The following RAD51B variants were observed in gnomAD, a reference collection of about 807,000 sequenced individuals.
RAD51B encodes the protein DNA repair protein RAD51 homolog 2.
A neutral mutation model predicts 42.2 loss-of-function variants in RAD51B; 38 were observed. That is an observed-to-expected ratio of 0.90 (90% CI 0.70 to 1.18). The LOEUF (loss-of-function observed/expected upper bound fraction) is 1.18, where lower values mean the gene tolerates loss of function less well. RAD51B is among the 50% of genes most tolerant of loss of function. The pLI is 0.00. For missense variants in RAD51B, 373 were observed against 400.7 expected (o/e 0.93, Z 0.59); for synonymous variants, 154 against 145.2 (o/e 1.06, Z -0.43).
At chr14:68,469,262 C>A (rs2086062612) in intron 10 of RAD51B, among the ~76,000 whole-genome samples, 1 of 152,228 alleles carries the variant, frequency 6.6e-6, no homozygotes, top group South Asian at 2.1e-4. Context: ...CCCATGGAGA[C>A]ACAATGCAGT....
chr14:68,593,732 G>A (rs757734538), intron 10 of RAD51B, among the ~76,000 whole-genome samples: 5 of 152,170 alleles, frequency 3.3e-5, no homozygotes, highest in South Asian at 2.1e-4. Flanking sequence ...GGCTCCCACT[G>A]TCTGTGCAGC....
chr14:68,575,295 T>G (rs140878700), intron 10 of RAD51B, among the ~76,000 whole-genome samples: 319 of 152,328 alleles, frequency 2.1e-3, no homozygotes, highest in African/African-American at 7.0e-3. Context: ...CAAGTTCTCA[T>G]AGCTTCTAAA....
rs149027036 is a variant in RAD51B, at chr14:67,840,967, A to G, written c.315+5771A>G. ...CAGGTGTGTGCTACCATGCCCAGCT[A>G]ATTTTATTTTTTAGTAGAGATGGGG... On this transcript the variant is annotated intron_variant, in intron 4 of 10. Transcript: ENST00000471583. 6.8e-3 allele frequency among the ~76,000 whole-genome samples: 1,036 copies of G among 152,064 alleles called. 7 individuals carry two copies. Among genetic ancestry groups the G allele is most frequent in the Non-Finnish European group, 7.9e-3 (535 of 67,978 alleles).
At chr14:68,516,197 A>G (rs897486646) in intron 10 of RAD51B, among the ~76,000 whole-genome samples, 2 of 152,242 alleles carry the variant, frequency 1.3e-5, no homozygotes, top group Non-Finnish European at 2.9e-5. Flanking sequence ...ATAATTTACC[A>G]TATTAAAAAC....
chr14:68,436,129 C>T (rs1188682710), intron 9 of RAD51B, among the ~76,000 whole-genome samples: 6 of 152,100 alleles, frequency 3.9e-5, no homozygotes, highest in African/African-American at 1.4e-4. Context: ...CCTAGATTTT[C>T]TTCTAGGATT....
At position 68,352,225 on chromosome 14, in the gene RAD51B, G is replaced by A. The variant is rs140052689; in HGVS notation, c.854-59199G>A. On this transcript the variant is annotated intron_variant, in intron 8 of 10. Coordinates refer to ENST00000471583, the MANE Select transcript of RAD51B (RefSeq NM_133510.4). ...TTAATGAATAGATGGTATTGGGTGA[G>A]GAAAGAGCACAGAGTAACGAGGGCT... Among the ~76,000 whole-genome samples the A allele has an allele frequency of 4.6e-5, 7 of 152,314 alleles. No individual in the cohort carries two copies. The East Asian group carries it at 1.3e-3, about 29-fold the overall frequency.
chr14:67,850,098 C>T (rs1348307010), intron 4 of RAD51B, among the ~76,000 whole-genome samples: 1 of 151,930 alleles, frequency 6.6e-6, no homozygotes, highest in Non-Finnish European at 1.5e-5. Context: ...CAGGCTGAAG[C>T]AATCCTCCCA....
intron 7 of RAD51B, among the ~76,000 whole-genome samples, chr14:67,933,118 T>C (rs1440303482): frequency 6.6e-6 from 1 of 152,214 alleles, no homozygotes; most frequent in Admixed American, 6.5e-5. Flanking sequence ...GGAGGAGATC[T>C]TTCCACTTGT....
intron 7 of RAD51B, among the ~76,000 whole-genome samples, chr14:67,888,161 A>G (rs774133816): frequency 9.9e-5 from 15 of 152,186 alleles, no homozygotes; most frequent in Non-Finnish European, 2.2e-4. Flanking sequence ...ATGACATTCA[A>G]AAAGTTCTGC....
intron 9 of RAD51B, among the ~76,000 whole-genome samples, chr14:68,457,951 C>A (rs563012090): frequency 2.8e-5 from 4 of 141,784 alleles, no homozygotes; most frequent in South Asian, 2.3e-4. Context: ...ATGTAAAGTT[C>A]ACTGAAAAAA....
rs1321375401 is a variant in RAD51B, at chr14:68,087,966, AT to A, written c.756+200764del. ...ATTATTATATATAATTATATAATTT[AT>A]TATTATATATAATTATATAATATAT... On this transcript the variant is annotated intron_variant, in intron 7 of 10. Coordinates refer to ENST00000471583, the MANE Select transcript of RAD51B (RefSeq NM_133510.4). 4.6e-3 allele frequency among the ~76,000 whole-genome samples: 521 copies of A among 113,868 alleles called. 8 individuals are homozygous for A. Among genetic ancestry groups the A allele is most frequent in the African/African-American group, 0.022 (498 of 22,822 alleles). 74.7% of individuals were successfully genotyped at this position (113,868 alleles called of 152,430 possible).
rs369496414 is a variant in RAD51B at position 68,202,802 on chromosome 14, G to A, written c.757-89082G>A. On this transcript the variant is annotated intron_variant, in intron 7 of 10. Transcript: ENST00000471583. ...TCTCCATGTTGGTCAGGCTGGTCTC[G>A]AACTCCCAACCTCAGGTGATCTGCC... 9.9e-5 allele frequency among the ~76,000 whole-genome samples: 15 copies of A among 151,794 alleles called. No individual in the cohort carries two copies. The East Asian group carries it at 1.9e-3, about 20-fold the overall frequency.
intron 9 of RAD51B, among the ~76,000 whole-genome samples, chr14:68,417,927 C>T (rs1164686527): frequency 7.9e-5 from 12 of 152,180 alleles, no homozygotes; most frequent in African/African-American, 2.9e-4. Context: ...ATGACTCCCA[C>T]GCTGGAGATG....
intron 10 of RAD51B, chr14:68,540,631 AC>A: frequency 5.1e-6 from 5 of 985,364 alleles, no homozygotes; most frequent in Non-Finnish European, 6.0e-6. Context: ...AAAGAAAGTC[AC>A]CTGGGGAGAC....
intron 7 of RAD51B, among the ~76,000 whole-genome samples, chr14:67,914,717 A>G (rs1469312304): frequency 6.6e-6 from 1 of 152,142 alleles, no homozygotes; most frequent in Non-Finnish European, 1.5e-5. Flanking sequence ...TGGTGTTTGT[A>G]TGTTTACCTC....
intron 7 of RAD51B, among the ~76,000 whole-genome samples, chr14:68,034,121 T>A (rs1279151394): frequency 2.0e-5 from 3 of 152,184 alleles, no homozygotes; most frequent in Admixed American, 1.3e-4. Flanking sequence ...ATTTTTTTGG[T>A]GCACCTTGGA....
At chr14:68,093,955 C>T (rs2077148062) in intron 7 of RAD51B, among the ~76,000 whole-genome samples, 1 of 152,182 alleles carries the variant, frequency 6.6e-6, no homozygotes, top group African/African-American at 2.4e-5. Context: ...CACCAGTCTG[C>T]AGCCCACCAG....
At chr14:68,189,712 G>T (rs1459699477) in intron 7 of RAD51B, among the ~76,000 whole-genome samples, 1 of 152,022 alleles carries the variant, frequency 6.6e-6, no homozygotes, top group African/African-American at 2.4e-5. Context: ...TGTCACCCAG[G>T]CTGGAATGTT....
At chr14:68,440,677 T>C (rs2085264080) in intron 9 of RAD51B, among the ~76,000 whole-genome samples, 2 of 151,416 alleles carry the variant, frequency 1.3e-5, no homozygotes, top group South Asian at 4.2e-4. Context: ...ACCTGGGAGG[T>C]GGAGGTTGCA....
Sources: allele counts gnomAD v4.1 joint callset (sites outside exome capture counted in the v4.1 genomes callset), GRCh38; gene constraint gnomAD v4.1.1; transcripts MANE v1.5; gene names NCBI Gene and HGNC (gene_info 2026-07-23, HGNC 2026-07-21).